Variants in SNX27 observed in about 807,000 individuals in gnomAD.
SNX27 encodes sorting nexin-27.
Under a neutral mutation model 71.6 loss-of-function variants are expected in SNX27, and 22 were observed. The observed-to-expected ratio is 0.31, with a 90% confidence interval of 0.22 to 0.44. The LOEUF (loss-of-function observed/expected upper bound fraction) is 0.44, where lower values mean the gene tolerates loss of function less well. Among genes scored for constraint, SNX27 ranks in the 20% least tolerant of loss-of-function variants. The pLI is 1.00. For missense variants in SNX27, 531 were observed against 698.6 expected (o/e 0.76, Z 2.70); for synonymous variants, 269 against 277.2 (o/e 0.97, Z 0.29).
At chr1:151,692,075 C>T (rs1671477990) in intron 8 of SNX27, among the ~76,000 whole-genome samples, 1 of 152,064 alleles carries the variant, frequency 6.6e-6, no homozygotes, top group South Asian at 2.1e-4. Flanking sequence ...TGGTGTGTGC[C>T]TGTGGTCCCA....
At chr1:151,630,590 A>G (rs1668180265) in intron 1 of SNX27, among the ~76,000 whole-genome samples, 1 of 152,208 alleles carries the variant, frequency 6.6e-6, no homozygotes, top group Non-Finnish European at 1.5e-5. Context: ...AATGTCTTTG[A>G]TATTTAGTGA....
At chr1:151,693,984 C>G in intron 11 of SNX27, 1 of 1,224,244 alleles carries the variant, frequency 8.2e-7, no homozygotes, top group Non-Finnish European at 1.0e-6. Context: ...TACTTATTCT[C>G]AAAGAAAATC....
Position 151,693,057 on chromosome 1 carries a change from A to G in SNX27, c.1518+18A>G. 2 of 1,604,894 alleles carry G rather than the reference A, an allele frequency of 1.2e-6. No individual in the cohort carries two copies. The highest frequency in any genetic ancestry group is 4.5e-5 in the East Asian group (2 of 44,818). On this transcript the variant is annotated intron_variant, in intron 10 of 11. Transcript: ENST00000458013. ...CGCCATATGTGAGTGCAATTTGGGG[A>G]AAGTAACTGGGACTTAGTTTGTTTT...
chr1:151,622,447 ATAG>A (rs1489738696), intron 1 of SNX27, among the ~76,000 whole-genome samples: 1 of 152,242 alleles, frequency 6.6e-6, no homozygotes, highest in East Asian at 1.9e-4. Context: ...TAATTCAGAA[ATAG>A]TAGTGTAATA....
chr1:151,649,025 C>T (rs972509763), intron 2 of SNX27, among the ~76,000 whole-genome samples: 5 of 151,438 alleles, frequency 3.3e-5, no homozygotes, highest in Admixed American at 1.3e-4. Flanking sequence ...TTCAGTGGTA[C>T]GATCTCGGCT....
chr1:151,633,321 CAG>C (rs1462760070), intron 1 of SNX27, among the ~76,000 whole-genome samples: 3 of 152,118 alleles, frequency 2.0e-5, no homozygotes, highest in South Asian at 4.1e-4. Context: ...TTTCCTGACA[CAG>C]AGTCTCACTT....
intron 8 of SNX27, among the ~76,000 whole-genome samples, chr1:151,691,212 G>C (rs1175253449): frequency 6.6e-6 from 1 of 151,972 alleles, no homozygotes; most frequent in Non-Finnish European, 1.5e-5. Context: ...GAACCCAGGA[G>C]GTGGAGCTTG....
At chr1:151,642,919 C>T (rs61818467) in intron 2 of SNX27, among the ~76,000 whole-genome samples, 61,468 of 151,622 alleles carry the variant, frequency 0.41, 14,251 homozygotes, top group Non-Finnish European at 0.55. Flanking sequence ...GGACTACAGG[C>T]GTGAGCCACC....
Position 151,632,965 on chromosome 1 carries a change from G to A in SNX27, c.312-5923G>A, listed in dbSNP as rs555606106. Among the ~76,000 whole-genome samples the A allele has an allele frequency of 1.4e-4, 22 of 151,956 alleles. No homozygotes were observed. The South Asian group carries it at 3.9e-3, about 27-fold the overall frequency. On this transcript the variant is annotated intron_variant, in intron 1 of 11. Transcript: ENST00000458013. The stretch of plus-strand genomic sequence containing the variant: ...CAGCTCACTGCAAGCTCCACCTCCC[G>A]GGTTCACGCCATTCTCCTGCCTCAG...
chr1:151,624,015 G>A (rs1667800209), intron 1 of SNX27, among the ~76,000 whole-genome samples: 1 of 152,094 alleles, frequency 6.6e-6, no homozygotes, highest in Non-Finnish European at 1.5e-5. Context: ...ATGCTGGAGT[G>A]CAGTGGCACA....
chr1:151,664,375 T>C (rs1327556000), intron 5 of SNX27, among the ~76,000 whole-genome samples: 2 of 151,958 alleles, frequency 1.3e-5, no homozygotes, highest in Non-Finnish European at 2.9e-5. Context: ...TCCTGTATGC[T>C]TTTGATGCAA....
intron 7 of SNX27, among the ~76,000 whole-genome samples, chr1:151,681,478 G>A (rs553166769): frequency 1.3e-4 from 20 of 151,810 alleles, no homozygotes; most frequent in Admixed American, 8.5e-4. Flanking sequence ...TCCTGACCTC[G>A]TGATCCACCC....
At chr1:151,615,929 T>C in intron 1 of SNX27, 1 of 550,344 alleles carries the variant, frequency 1.8e-6, no homozygotes, top group Non-Finnish European at 2.3e-6. Flanking sequence ...TCTTTAGTCC[T>C]GAAACTAAAT....
At position 151,693,205 on chromosome 1, in the gene SNX27, G is replaced by A. The variant is rs960552864; in HGVS notation, c.1518+166G>A. ...TTCATCCTGTTTTTGCTTTAGGCCTGACTGGAATTGGCAATTTCCTATCCC... is the reference window on the plus strand; with the variant it reads ...TTCATCCTGTTTTTGCTTTAGGCCTAACTGGAATTGGCAATTTCCTATCCC... On this transcript the variant is annotated intron_variant, in intron 10 of 11. Coordinates refer to ENST00000458013, the MANE Select transcript of SNX27 (RefSeq NM_001330723.2). 2.7e-6 allele frequency: 3 copies of A among 1,098,926 alleles called. No homozygotes were observed. The African/African-American group carries it at 4.8e-5, about 17-fold the overall frequency. The allele number at this position is 1,098,926 out of a possible 1,614,324, so 68.1% of individuals were successfully genotyped here.
chr1:151,669,882 G>A (rs534828787), intron 7 of SNX27, among the ~76,000 whole-genome samples: 5 of 152,158 alleles, frequency 3.3e-5, no homozygotes, highest in Non-Finnish European at 7.4e-5. Flanking sequence ...TATCTTTTGT[G>A]TTACAAACAA....
intron 2 of SNX27, among the ~76,000 whole-genome samples, chr1:151,639,438 G>A (rs1247530560): frequency 3.9e-5 from 6 of 152,088 alleles, no homozygotes; most frequent in South Asian, 4.1e-4. Flanking sequence ...GTTGGTTGCC[G>A]TATCTCTTTG....
intron 1 of SNX27, among the ~76,000 whole-genome samples, chr1:151,616,873 T>C (rs28705021): frequency 6.6e-6 from 1 of 152,218 alleles, no homozygotes. Flanking sequence ...TATGATTCAG[T>C]AGATCTTTCA....
Position 151,667,688 on chromosome 1 carries a change from GT to G in SNX27, c.986-783del, listed in dbSNP as rs1670264939. Among the ~76,000 whole-genome samples the G allele has an allele frequency of 2.0e-5, 3 of 151,098 alleles. No individual in the cohort carries two copies. In the South Asian group the frequency reaches 6.3e-4, roughly 31 times the overall value. On this transcript the variant is annotated intron_variant, in intron 6 of 11. Transcript: ENST00000458013. ...AAAAAATACAAAAAATTAGCCGGGC[GT>G]AGTGGCGGGCGCCTGTAGTCCCAGC...
At chr1:151,688,821 T>G (rs746691127) in intron 8 of SNX27, among the ~76,000 whole-genome samples, 3 of 152,070 alleles carry the variant, frequency 2.0e-5, no homozygotes, top group Non-Finnish European at 4.4e-5. Flanking sequence ...GTGTTTTTTC[T>G]GATCCTCTCC....
Sources: allele counts gnomAD v4.1 joint callset (sites outside exome capture counted in the v4.1 genomes callset), GRCh38; gene constraint gnomAD v4.1.1; transcripts MANE v1.5; gene names NCBI Gene and HGNC (gene_info 2026-07-23, HGNC 2026-07-21).